SSBP2: variants seen among roughly 807,000 people sequenced by gnomAD.
SSBP2 encodes single stranded DNA binding protein 2, also known as single-stranded DNA-binding protein 2.
SSBP2 carries 17 observed loss-of-function variants against 61.8 expected under a neutral mutation model. The ratio of observed to expected loss-of-function variants is 0.28; its 90% CI spans 0.19 to 0.41. The LOEUF (loss-of-function observed/expected upper bound fraction) is 0.41, where lower values mean the gene tolerates loss of function less well. Ranked by LOEUF, SSBP2 falls within the 10% of genes least tolerant of loss-of-function variation. The pLI, the probability that SSBP2 is intolerant of heterozygous loss-of-function variation, is 1.00. For missense variants in SSBP2, 310 were observed against 458.7 expected (o/e 0.68, Z 2.96); for synonymous variants, 139 against 141.3 (o/e 0.98, Z 0.12).
Position 81,415,143 on chromosome 5 carries a change from G to C in SSBP2, c.*5361C>G, listed in dbSNP as rs2153869361. 6.6e-6 allele frequency: 1 copy of C among 152,272 alleles called. No homozygotes were observed. The highest frequency in any genetic ancestry group is 1.9e-4 in the East Asian group (1 of 5,186). 9.4% of individuals were successfully genotyped at this position (152,272 alleles called of 1,614,324 possible). A position where few individuals can be genotyped will look rare whatever the true frequency, so the allele number is the denominator to read the frequency against. The stretch of plus-strand genomic sequence containing the variant: ...AACAATAAACTTATTCCACCAGGAG[G>C]GAAAAACAGAAAGAAGATTCAACTA... On this transcript the variant is annotated 3_prime_UTR_variant, in exon 17 of 17. Transcript: ENST00000320672.
At chr5:81,551,782 T>C (rs539088673) in intron 4 of SSBP2, among the ~76,000 whole-genome samples, 1 of 152,190 alleles carries the variant, frequency 6.6e-6, no homozygotes, top group Non-Finnish European at 1.5e-5. Flanking sequence ...TTATTAAATT[T>C]AGAGACAGTT....
chr5:81,519,851 T>C (rs1769325618), intron 4 of SSBP2, among the ~76,000 whole-genome samples: 1 of 152,146 alleles, frequency 6.6e-6, no homozygotes, highest in African/African-American at 2.4e-5. Context: ...TTGCCAGGAA[T>C]TGGTCTATTA....
Position 81,680,329 on chromosome 5 carries a change from TATAA to T in SSBP2, c.63-29994_63-29991del, listed in dbSNP as rs530351733. Among the ~76,000 whole-genome samples the T allele has an allele frequency of 2.2e-3, 323 of 148,062 alleles. 1 individual carries two copies. Among genetic ancestry groups the T allele is most frequent in the African/African-American group, 7.4e-3 (304 of 40,902 alleles). The stretch of plus-strand genomic sequence containing the variant: ...TATAATATATAATTATGTTATAATA[TATAA>T]TTTATTATATATAACTTATAATATA... On this transcript the variant is annotated intron_variant, in intron 1 of 16. Transcript: ENST00000320672.
In SSBP2 at chr5:81,617,088, C is replaced by A. The variant is rs1183829841; in HGVS notation, c.198-1531G>T. On this transcript the variant is annotated intron_variant, in intron 3 of 16. Transcript: ENST00000320672. ...ATGCAGTTCCTCACCAGCAACAGAA[C>A]AAAGCTGGATGGAGAATGATTTTGA... Among the ~76,000 whole-genome samples the A allele has an allele frequency of 2.6e-3, 218 of 84,204 alleles. 3 individuals carry two copies. The highest frequency in any genetic ancestry group is 0.01 in the African/African-American group (207 of 20,300). The allele number at this position is 84,204 out of a possible 152,430, so 55.2% of individuals were successfully genotyped here.
intron 1 of SSBP2, among the ~76,000 whole-genome samples, chr5:81,721,427 C>T (rs1279906596): frequency 2.0e-5 from 3 of 152,062 alleles, no homozygotes; most frequent in African/African-American, 7.2e-5. Flanking sequence ...TGAAAAAGCT[C>T]ATGAACCAGT....
intron 3 of SSBP2, among the ~76,000 whole-genome samples, chr5:81,617,885 T>A (rs1581179287): frequency 1.5e-5 from 2 of 133,852 alleles, no homozygotes; most frequent in East Asian, 2.1e-4. Context: ...TAAAATACTT[T>A]ATAGACAAGC....
At chr5:81,447,447 G>T (rs1460903179) in intron 11 of SSBP2, among the ~76,000 whole-genome samples, 1 of 152,184 alleles carries the variant, frequency 6.6e-6, no homozygotes, top group Non-Finnish European at 1.5e-5. Flanking sequence ...AGGCAAAGTT[G>T]ACTAATGCTG....
At chr5:81,570,773 A>G (rs942134827) in intron 4 of SSBP2, among the ~76,000 whole-genome samples, 2 of 152,194 alleles carry the variant, frequency 1.3e-5, no homozygotes, top group African/African-American at 4.8e-5. Context: ...TCTCGGTCTC[A>G]AGATCAGAAT....
At chr5:81,679,218 A>G (rs1581325665) in intron 1 of SSBP2, among the ~76,000 whole-genome samples, 1 of 152,310 alleles carries the variant, frequency 6.6e-6, no homozygotes, top group Non-Finnish European at 1.5e-5. Flanking sequence ...CATGTTGGCC[A>G]GGCTGGCCTA....
At chr5:81,720,032 T>C (rs1353609068) in intron 1 of SSBP2, among the ~76,000 whole-genome samples, 1 of 152,040 alleles carries the variant, frequency 6.6e-6, no homozygotes, top group Non-Finnish European at 1.5e-5. Flanking sequence ...CTGGGAATTA[T>C]CCAGCCCTGG....
intron 2 of SSBP2, among the ~76,000 whole-genome samples, chr5:81,647,902 A>G (rs1047262563): frequency 6.6e-6 from 1 of 152,114 alleles, no homozygotes; most frequent in Non-Finnish European, 1.5e-5. Context: ...AATGCATTTG[A>G]ATCCAAATAC....
intron 4 of SSBP2, among the ~76,000 whole-genome samples, chr5:81,613,085 A>G (rs1469692549): frequency 1.3e-5 from 2 of 152,130 alleles, no homozygotes; most frequent in African/African-American, 4.8e-5. Flanking sequence ...CTATCTTTTC[A>G]CCAGCCTCCA....
chr5:81,491,291 A>T (rs1401299134), intron 5 of SSBP2, among the ~76,000 whole-genome samples: 2 of 152,228 alleles, frequency 1.3e-5, no homozygotes, highest in Non-Finnish European at 2.9e-5. Context: ...TCTGTAATAC[A>T]ACCACTTTGA....
chr5:81,600,943 TA>T (rs1201514839), intron 4 of SSBP2, among the ~76,000 whole-genome samples: 1 of 152,166 alleles, frequency 6.6e-6, no homozygotes, highest in African/African-American at 2.4e-5. Context: ...CAATACAGAA[TA>T]AAAATTTCAT....
At chr5:81,715,759 T>C (rs1203184635) in intron 1 of SSBP2, among the ~76,000 whole-genome samples, 1 of 152,080 alleles carries the variant, frequency 6.6e-6, no homozygotes, top group Non-Finnish European at 1.5e-5. Context: ...TGTGACTACA[T>C]TAACAAGATA....
In SSBP2 at chr5:81,521,554, T is replaced by G. The variant is rs567976876; in HGVS notation, c.283-7837A>C. ...TTAACTACTGTTGTCTAGTATTTAG[T>G]GGTACAGAGAAGTCTGATACCACCT... is the stretch of plus-strand genomic sequence containing the variant. On this transcript the variant is annotated intron_variant, in intron 4 of 16. Transcript: ENST00000320672. Among the ~76,000 whole-genome samples, 4 of 152,168 alleles carry G rather than the reference T, an allele frequency of 2.6e-5. No homozygotes were observed. In the East Asian group the frequency reaches 7.7e-4, roughly 29 times the overall value.
At position 81,543,727 on chromosome 5, in the gene SSBP2, C is replaced by T. The variant is rs548458554; in HGVS notation, c.283-30010G>A. 2.6e-5 allele frequency among the ~76,000 whole-genome samples: 4 copies of T among 152,070 alleles called. No homozygotes were observed. In the South Asian group the frequency reaches 6.2e-4, roughly 24 times the overall value. ...TCATGTATAGCTTCAACTATACATGCTATATCCTACAAATAGTAGGCATTC... is the reference window on the plus strand; with the variant it reads ...TCATGTATAGCTTCAACTATACATGTTATATCCTACAAATAGTAGGCATTC... On this transcript the variant is annotated intron_variant, in intron 4 of 16. Coordinates refer to ENST00000320672, the MANE Select transcript of SSBP2 (RefSeq NM_012446.5).
intron 1 of SSBP2, among the ~76,000 whole-genome samples, chr5:81,728,628 A>G (rs539707053): frequency 2.0e-3 from 306 of 152,260 alleles, no homozygotes; most frequent in African/African-American, 7.1e-3. Context: ...ATCAGATGCA[A>G]TAATTTGGGC....
intron 2 of SSBP2, among the ~76,000 whole-genome samples, chr5:81,645,125 C>T (rs1025380072): frequency 3.9e-5 from 6 of 152,152 alleles, no homozygotes; most frequent in Non-Finnish European, 5.9e-5. Context: ...AGTATTGTTA[C>T]AATTATCATC....
Sources: gnomAD v4.1 joint callset for allele counts (sites outside exome capture counted in the v4.1 genomes callset) on GRCh38, gnomAD v4.1.1 for gene constraint, MANE v1.5 for transcripts, NCBI Gene and HGNC (gene_info 2026-07-23, HGNC 2026-07-21) for gene names.